Variants in FBXL5 observed in about 807,000 individuals in gnomAD.
FBXL5 encodes the protein F-box/LRR-repeat protein 5.
Under a neutral mutation model 78.3 loss-of-function variants are expected in FBXL5, and 26 were observed. The ratio of observed to expected loss-of-function variants is 0.33; its 90% CI spans 0.24 to 0.46. The LOEUF is 0.46. Ranked by LOEUF, FBXL5 falls within the 20% of genes least tolerant of loss-of-function variation. The pLI is 1.00. For synonymous variants in FBXL5, 295 were observed against 282.5 expected (o/e 1.04, Z -0.45); for missense variants, 710 against 829.2 (o/e 0.86, Z 1.77).
At chr4:15,660,658 C>T (rs534477094), upstream of FBXL5, among the ~76,000 whole-genome samples, 55 of 152,298 alleles carry the variant, frequency 3.6e-4, no homozygotes, top group African/African-American at 1.2e-3. Context: ...TGGTCTGGGA[C>T]ACTTTTGAGT....
intron 1 of FBXL5, among the ~76,000 whole-genome samples, chr4:15,653,188 AT>A (rs1716345473): frequency 6.6e-6 from 1 of 152,108 alleles, no homozygotes; most frequent in Non-Finnish European, 1.5e-5. Flanking sequence ...CAACAATCTC[AT>A]TAACTATATC....
At position 15,655,195 on chromosome 4, in the gene FBXL5, C is replaced by G; in HGVS notation, c.84+9G>C. ...ACCGCCCACAGCGGGAGGCTCAGCG[C>G]TCCGTTACCTTGTCGCAGTAGAGCC... On this transcript the variant is annotated intron_variant, in intron 1 of 10. Transcript: ENST00000341285. 1 of 1,401,446 alleles carries G rather than the reference C, an allele frequency of 7.1e-7. No individual in the cohort carries two copies. The highest frequency in any genetic ancestry group is 9.4e-7 in the Non-Finnish European group (1 of 1,058,620). The allele number at this position is 1,401,446 out of a possible 1,614,324, so 86.8% of individuals were successfully genotyped here. A position where few individuals can be genotyped will look rare whatever the true frequency, so the allele number is the denominator to read the frequency against.
chr4:15,623,958 G>A (rs1031029859), intron 9 of FBXL5, among the ~76,000 whole-genome samples: 1 of 151,946 alleles, frequency 6.6e-6, no homozygotes, highest in South Asian at 2.1e-4. Flanking sequence ...GAGTAGCTGG[G>A]ACTACAGGTG....
At chr4:15,639,648 G>A (rs551788701) in intron 3 of FBXL5, among the ~76,000 whole-genome samples, 2 of 152,248 alleles carry the variant, frequency 1.3e-5, no homozygotes, top group East Asian at 1.9e-4. Flanking sequence ...ATATCATACA[G>A]TTAAAAAACA....
At chr4:15,612,650 T>C (rs1722347433) in intron 9 of FBXL5, among the ~76,000 whole-genome samples, 1 of 152,178 alleles carries the variant, frequency 6.6e-6, no homozygotes, top group African/African-American at 2.4e-5. Flanking sequence ...AACTGTTCTT[T>C]ATAAGAACAT....
chr4:15,626,883 C>T lies in FBXL5; in HGVS notation c.1114G>A (p.Ala372Thr). The T allele has an allele frequency of 6.2e-7, 1 of 1,608,096 alleles. No individual in the cohort carries two copies. The highest frequency in any genetic ancestry group is 8.5e-7 in the Non-Finnish European group (1 of 1,176,840). Residue 372 changes from alanine (A) to threonine (T), a missense_variant, in exon 8 of 11, where the codon GCA (alanine) becomes ACA (threonine). Physicochemically the swap from Ala to Thr is moderately conservative, Grantham distance 58 (BLOSUM62 0). Transcript: ENST00000341285. ...TTTAAAATAACTAACCTGTCAAATG[C>T]AGAATCTGAAATGTCAGTCTGGGTA... is the stretch of plus-strand genomic sequence containing the variant. ...DLTQTDISDSAFDSWSWLGCC... is the reference protein window; with the variant it reads ...DLTQTDISDSTFDSWSWLGCC...
chr4:15,605,542 T>G lies in FBXL5; in HGVS notation c.*181A>C. Reference sequence around the variant, plus strand: ...TCCCTTTCTAAACCAAAAGTATAATTTGCAAGAGAAACAACATTACAATTC... The same window carrying G: ...TCCCTTTCTAAACCAAAAGTATAATGTGCAAGAGAAACAACATTACAATTC... On this transcript the variant is annotated 3_prime_UTR_variant, in exon 11 of 11. Coordinates refer to ENST00000341285, the MANE Select transcript of FBXL5 (RefSeq NM_012161.4). The G allele has an allele frequency of 1.8e-6, 1 of 565,154 alleles. No homozygotes were observed. Among genetic ancestry groups the G allele is most frequent in the Non-Finnish European group, 3.2e-6 (1 of 311,780 alleles). The allele number at this position is 565,154 out of a possible 1,614,324, so 35.0% of individuals were successfully genotyped here.
At chr4:15,607,054 A>G (rs75836515) in intron 10 of FBXL5, among the ~76,000 whole-genome samples, 4,197 of 152,302 alleles carry the variant, frequency 0.028, 79 homozygotes, top group Middle Eastern at 0.058. Context: ...TAAGACATAC[A>G]GTCTTAGGAA....
chr4:15,641,391 C>A, intron 2 of FBXL5: 1 of 346,834 alleles, frequency 2.9e-6, no homozygotes, highest in Non-Finnish European at 5.5e-6. Context: ...ACCTCTTCTT[C>A]CTCCTCAGCC....
At chr4:15,648,706 C>T (rs1577476355) in intron 1 of FBXL5, among the ~76,000 whole-genome samples, 2 of 151,936 alleles carry the variant, frequency 1.3e-5, no homozygotes, top group South Asian at 4.1e-4. Context: ...GTTGTTGGGG[C>T]AGGGGATGGA....
intron 1 of FBXL5, among the ~76,000 whole-genome samples, chr4:15,679,913 T>C (rs62290605): frequency 0.29 from 43,471 of 152,098 alleles, 6,453 homozygotes; most frequent in East Asian, 0.47. Flanking sequence ...AATCTGACAG[T>C]TACCCCTGCA....
intron 1 of FBXL5, among the ~76,000 whole-genome samples, chr4:15,654,372 G>A (rs111546450): frequency 0.015 from 2,254 of 152,264 alleles, 56 homozygotes; most frequent in African/African-American, 0.051. Context: ...CACTAGCAAA[G>A]GGCCCTGAAC....
intron 6 of FBXL5, 41 bp from the exon 7 acceptor site, chr4:15,628,074 A>C: frequency 6.3e-7 from 1 of 1,595,862 alleles, no homozygotes; most frequent in Non-Finnish European, 8.6e-7. Context: ...TGATAAACTG[A>C]TAATAATTAA....
intron 9 of FBXL5, among the ~76,000 whole-genome samples, chr4:15,624,626 A>C (rs1161014386): frequency 6.6e-6 from 1 of 151,876 alleles, no homozygotes; most frequent in Non-Finnish European, 1.5e-5. Context: ...AGTCGGTTTA[A>C]TCTGCTGAAG....
intron 1 of FBXL5, among the ~76,000 whole-genome samples, chr4:15,665,164 T>G (rs1327253271): frequency 2.6e-5 from 4 of 152,184 alleles, no homozygotes; most frequent in African/African-American, 9.6e-5. Context: ...CATTATGAGC[T>G]TAGCTGCCAA....
intron 4 of FBXL5, among the ~76,000 whole-genome samples, chr4:15,637,490 A>T (rs1714404089): frequency 1.3e-5 from 2 of 152,248 alleles, no homozygotes; most frequent in Admixed American, 6.5e-5. Flanking sequence ...ACTTAAATAT[A>T]GAAATGCTAT....
intron 9 of FBXL5, among the ~76,000 whole-genome samples, chr4:15,621,759 A>G (rs1183363750): frequency 4.6e-5 from 7 of 152,242 alleles, no homozygotes; most frequent in Non-Finnish European, 1.5e-5. Flanking sequence ...ATGTATTAAG[A>G]CCACAAATGG....
intron 1 of FBXL5, among the ~76,000 whole-genome samples, chr4:15,678,095 T>G (rs1038042754): frequency 6.6e-6 from 1 of 152,190 alleles, no homozygotes; most frequent in African/African-American, 2.4e-5. Context: ...ATAAATTATA[T>G]ATTTAATAGG....
intron 9 of FBXL5, among the ~76,000 whole-genome samples, chr4:15,616,909 C>T (rs1711948092): frequency 6.6e-6 from 1 of 152,194 alleles, no homozygotes; most frequent in African/African-American, 2.4e-5. Context: ...AGCTGTCTCA[C>T]AGAGCCTGCA....
Sources: gnomAD v4.1 joint callset for allele counts (sites outside exome capture counted in the v4.1 genomes callset) on GRCh38, gnomAD v4.1.1 for gene constraint, MANE v1.5 for transcripts, NCBI Gene and HGNC (gene_info 2026-07-23, HGNC 2026-07-21) for gene names.